Variants in VARS1 observed in about 807,000 individuals in gnomAD.
VARS1 encodes valyl-tRNA synthetase 1.
A neutral mutation model predicts 161.0 loss-of-function variants in VARS1; 92 were observed. The observed-to-expected ratio is 0.57, with a 90% CI of 0.48 to 0.68. The LOEUF (loss-of-function observed/expected upper bound fraction) is 0.68, where lower values mean the gene tolerates loss of function less well. Ranked by LOEUF, VARS1 falls within the 30% of genes least tolerant of loss-of-function variation. VARS1 has a pLI of 0.00. For missense variants in VARS1, 1,338 were observed against 1,695.9 expected (o/e 0.79, Z 3.71); for synonymous variants, 595 against 682.5 (o/e 0.87, Z 2.00).
rs143978212 is a variant in VARS1, at chr6:31,792,423, T to A, written c.755A>T (p.Lys252Met). 113 of 1,613,886 alleles carry A rather than the reference T, an allele frequency of 7.0e-5. No homozygotes were observed. Among genetic ancestry groups the A allele is most frequent in the Non-Finnish European group, 9.2e-5 (108 of 1,179,994 alleles). Residue 252 changes from lysine to methionine, a missense_variant, in exon 5 of 30, where the codon AAG becomes ATG. By Grantham distance (95) the Lys-to-Met change is moderately conservative. Coordinates refer to ENST00000375663, the MANE Select transcript of VARS1 (RefSeq NM_006295.3). The part of the protein sequence containing the change: ...EKLEKFQQKQ[K>M]IQQQQPPPGE... The stretch of plus-strand genomic sequence containing the variant: ...TGGAGGTGGCTGCTGCTGTTGGATC[T>A]TCTGCTTCTGTTGGAATTTCTCTAG...
At chr6:31,783,811 G>A (rs12213415) in intron 13 of VARS1, among the ~76,000 whole-genome samples, 11,816 of 151,922 alleles carry the variant, frequency 0.078, 575 homozygotes, top group African/African-American at 0.13. Context: ...ACAGGCACCC[G>A]CCACTACAAC....
intron 2 of VARS1, among the ~76,000 whole-genome samples, chr6:31,794,093 C>CA (rs33960246): frequency 0.31 from 21,690 of 70,634 alleles, 2,958 homozygotes; most frequent in African/African-American, 0.39. Context: ...GATTCTGTCT[C>CA]AAAAAAAAAA....
Position 31,781,226 on chromosome 6 carries a change from G to T in VARS1, c.2545-103C>A. On this transcript the variant is annotated intron_variant, in intron 21 of 29. Transcript: ENST00000375663. The surrounding 1 kb of genome is among the most constrained non-coding windows in gnomAD (Gnocchi z 6.8). Reference sequence around the variant, plus strand: ...TGGTCTACCCCACTGTGAACCTCAGGTCCCACTGAGTGTCCCCAAGAGCTC... The same window carrying T: ...TGGTCTACCCCACTGTGAACCTCAGTTCCCACTGAGTGTCCCCAAGAGCTC... 7.4e-7 allele frequency: 1 copy of T among 1,351,856 alleles called. No homozygotes were observed. The highest frequency in any genetic ancestry group is 1.9e-5 in the Admixed American group (1 of 52,378). 83.7% of individuals were successfully genotyped at this position (1,351,856 alleles called of 1,614,324 possible).
chr6:31,795,178 G>C lies in VARS1; in HGVS notation c.40C>G (p.Pro14Ala). 1 of 1,476,252 alleles carries C rather than the reference G, an allele frequency of 6.8e-7. No homozygotes were observed. The highest frequency in any genetic ancestry group is 9.0e-7 in the Non-Finnish European group (1 of 1,114,444). 91.4% of individuals were successfully genotyped at this position (1,476,252 alleles called of 1,614,324 possible). ...LYVSPHPDAF[P>A]SLRALIAARY... is the part of the protein sequence containing the mutation. Reference sequence around the variant, plus strand: ...GCGGCTATGAGGGCTCGGAGGCTGGGGAAGGCATCTGGGTGAGGGGAGACG... The same window carrying C: ...GCGGCTATGAGGGCTCGGAGGCTGGCGAAGGCATCTGGGTGAGGGGAGACG... Residue 14 changes from proline to alanine, a missense_variant, in exon 2 of 30, where the codon CCC becomes GCC. By Grantham distance (27) the Pro-to-Ala change is conservative. Transcript: ENST00000375663. The surrounding 1 kb of genome is among the most constrained non-coding windows in gnomAD (Gnocchi z 6.9).
rs1186585437 is a variant in VARS1 at position 31,780,380 on chromosome 6, C to G, written c.2925+61G>C. 1 of 1,575,526 alleles carries G rather than the reference C, an allele frequency of 6.3e-7. No individual in the cohort carries two copies. Among genetic ancestry groups the G allele is most frequent in the Middle Eastern group, 1.7e-4 (1 of 5,850 alleles). On this transcript the variant is annotated intron_variant, in intron 25 of 29. Transcript: ENST00000375663. This position sits in a 1 kb window ranked among gnomAD's most constrained non-coding sequence, Gnocchi z 5.1. ...TGTCCCCCCAGCTACATGGAGGCTG[C>G]TCCGGACAGGGGTACAGCCTGTGTG...
chr6:31,792,192 G>T (rs766392782), intron 6 of VARS1, 25 bp downstream of exon 6: 23 of 1,610,330 alleles, frequency 1.4e-5, no homozygotes, highest in Non-Finnish European at 1.8e-5. Context: ...CTGCTGAGGG[G>T]TGAGCCCCTT....
At chr6:31,787,929 T>C (rs886342422) in intron 8 of VARS1, among the ~76,000 whole-genome samples, 3 of 151,642 alleles carry the variant, frequency 2.0e-5, no homozygotes, top group African/African-American at 7.3e-5. Context: ...CCATCTTGGC[T>C]AACACGGTGA....
At position 31,791,604 on chromosome 6, in the gene VARS1, G is replaced by T; in HGVS notation, c.1100+6C>A. ...GAACCAGAGGAAGGTGCAGATAGAA[G>T]CTCACCATCGAGTCAGGGAGTCCTG... On this transcript the variant is annotated splice_donor_region_variant and intron_variant, in intron 8 of 29. Coordinates refer to ENST00000375663, the MANE Select transcript of VARS1 (RefSeq NM_006295.3). This position sits in a 1 kb window ranked among gnomAD's most constrained non-coding sequence, Gnocchi z 5.0. 6.2e-7 allele frequency: 1 copy of T among 1,607,316 alleles called. No homozygotes were observed.
chr6:31,783,466 T>C (rs1243653004), intron 13 of VARS1, among the ~76,000 whole-genome samples: 1 of 151,866 alleles, frequency 6.6e-6, no homozygotes, highest in African/African-American at 2.4e-5. Context: ...GCCAAGATGG[T>C]GCCACTGCAC....
At chr6:31,794,208 G>A (rs1331697116) in intron 2 of VARS1, among the ~76,000 whole-genome samples, 1 of 152,100 alleles carries the variant, frequency 6.6e-6, no homozygotes, top group African/African-American at 2.4e-5. Flanking sequence ...CTGAATGCAA[G>A]GACTCTATTG....
At position 31,780,031 on chromosome 6, in the gene VARS1, G is replaced by A. The variant is rs747274439; in HGVS notation, c.3048C>T (p.Ser1016=). ...CATCACAGAGCTCATAGAGCCAGAA[G>A]CTGTACTGGGCAGTGGTGACGGCCG... ...DFPAVTTAQY[S]FWLYELCDVY... is the part of the protein sequence containing the mutation. The change falls in exon 26 of 30, where the codon AGC becomes AGT. Residue 1016 remains serine, a synonymous_variant. Coordinates refer to ENST00000375663, the MANE Select transcript of VARS1 (RefSeq NM_006295.3). The surrounding 1 kb of genome is among the most constrained non-coding windows in gnomAD (Gnocchi z 5.1). 9.9e-6 allele frequency: 16 copies of A among 1,613,976 alleles called. No homozygotes were observed. In the Admixed American group the frequency reaches 2.3e-4, roughly 24 times the overall value.
At position 31,779,028 on chromosome 6, in the gene VARS1, C is replaced by G; in HGVS notation, c.3665G>C (p.Arg1222Pro). The change falls in exon 29 of 30, where the codon CGT becomes CCT. Residue 1222 changes from arginine (R) to proline (P), a missense_variant. Physicochemically the swap from Arg to Pro is moderately radical, Grantham distance 103. Transcript: ENST00000375663. This position sits in a 1 kb window ranked among gnomAD's most constrained non-coding sequence, Gnocchi z 9.1. ...QRQAQRLRER[R>P]AASGYPVKVP... is the part of the protein sequence containing the mutation. ...CTTGACAGGATAGCCCGAGGCAGCACGGCGTTCCCGCAGACGCTGGGCCTG... is the reference window on the plus strand; with the variant it reads ...CTTGACAGGATAGCCCGAGGCAGCAGGGCGTTCCCGCAGACGCTGGGCCTG... 1 of 1,613,014 alleles carries G rather than the reference C, an allele frequency of 6.2e-7. No homozygotes were observed. The highest frequency in any genetic ancestry group is 8.5e-7 in the Non-Finnish European group (1 of 1,180,038).
In VARS1 at chr6:31,781,647, C is replaced by T; in HGVS notation, c.2419-41G>A. The T allele has an allele frequency of 6.2e-7, 1 of 1,612,924 alleles. No individual in the cohort carries two copies. Among genetic ancestry groups the T allele is most frequent in the Non-Finnish European group, 8.5e-7 (1 of 1,179,974 alleles). ...GGTGTGAAGGGGAGCCAACACCCAC[C>T]CTCCAGTCCCCTGTCCCGCCAAGCC... On this transcript the variant is annotated intron_variant, in intron 20 of 29. Coordinates refer to ENST00000375663, the MANE Select transcript of VARS1 (RefSeq NM_006295.3). The surrounding 1 kb of genome is among the most constrained non-coding windows in gnomAD (Gnocchi z 6.8).
intron 8 of VARS1, among the ~76,000 whole-genome samples, chr6:31,789,195 A>G (rs1422307769): frequency 1.3e-5 from 2 of 152,160 alleles, no homozygotes; most frequent in Non-Finnish European, 2.9e-5. Flanking sequence ...TAATACAACA[A>G]AAACATTTAC....
At chr6:31,790,602 CAAAAAAAAAAAAAAAAA>C (rs9279419) in intron 8 of VARS1, among the ~76,000 whole-genome samples, 2 of 43,386 alleles carry the variant, frequency 4.6e-5, no homozygotes, top group African/African-American at 2.0e-4. Flanking sequence ...AACTCTGTCT[CAAAAAAAAAAAAAAAAA>C]AAAAAAAAAA....
At position 31,782,116 on chromosome 6, in the gene VARS1, CAG is replaced by C; in HGVS notation, c.2210_2211del (p.Thr737SerfsTer3). 3 of 1,613,898 alleles carry C rather than the reference CAG, an allele frequency of 1.9e-6. No individual in the cohort carries two copies. The highest frequency in any genetic ancestry group is 2.5e-6 in the Non-Finnish European group (3 of 1,179,914). The stretch of plus-strand genomic sequence containing the variant: ...CCAGGGGGCACCGCTGGGTCACTGA[CAG>C]TGACAAAGTAGGCTGGGATGCGATG... ...WGHRIPAYFV[T>X]VSDPAVPPGE... On this transcript the variant is annotated frameshift_variant, in exon 18 of 30. Transcript: ENST00000375663. LOFTEE classifies it high-confidence loss of function. This position sits in a 1 kb window ranked among gnomAD's most constrained non-coding sequence, Gnocchi z 8.3.
In VARS1 at chr6:31,785,847, C is replaced by T. The variant is rs541602250; in HGVS notation, c.1101-114G>A. On this transcript the variant is annotated intron_variant, in intron 8 of 29. Transcript: ENST00000375663. This position sits in a 1 kb window ranked among gnomAD's most constrained non-coding sequence, Gnocchi z 6.1. Reference sequence around the variant, plus strand: ...GGACTAAATAAAGAAGCAGGGAGGCCGGACGCGGTGGCTCACGCCTGTAAT... The same window carrying T: ...GGACTAAATAAAGAAGCAGGGAGGCTGGACGCGGTGGCTCACGCCTGTAAT... 8.9e-5 allele frequency: 121 copies of T among 1,367,132 alleles called. 1 individual carries two copies. The East Asian group carries it at 2.3e-3, about 26-fold the overall frequency. The allele number at this position is 1,367,132 out of a possible 1,614,324, so 84.7% of individuals were successfully genotyped here.
chr6:31,790,681 T>G (rs572995806), intron 8 of VARS1, among the ~76,000 whole-genome samples: 50 of 145,626 alleles, frequency 3.4e-4, no homozygotes, highest in African/African-American at 1.1e-3. Flanking sequence ...ATGGAACAAT[T>G]AAAAAGAAGG....
Position 31,780,745 on chromosome 6 carries a change from G to A in VARS1, c.2757C>T (p.Thr919=), listed in dbSNP as rs745663284. 34 of 1,614,056 alleles carry A rather than the reference G, an allele frequency of 2.1e-5. No homozygotes were observed. Among genetic ancestry groups the A allele is most frequent in the South Asian group, 3.3e-5 (3 of 91,090 alleles). Residue 919 remains threonine, a synonymous_variant, in exon 24 of 30, where the codon ACC becomes ACT. Coordinates refer to ENST00000375663, the MANE Select transcript of VARS1 (RefSeq NM_006295.3). This position sits in a 1 kb window ranked among gnomAD's most constrained non-coding sequence, Gnocchi z 5.1. ...DFPAGIPECG[T]DALRFGLCAY... The stretch of plus-strand genomic sequence containing the variant: ...CACATAATCCAAACCGGAGAGCATC[G>A]GTGCCACATTCAGGAATCCCCGCTG...
Sources: allele counts gnomAD v4.1 joint callset (sites outside exome capture counted in the v4.1 genomes callset), GRCh38; gene constraint gnomAD v4.1.1; non-coding constraint Gnocchi (gnomAD v3.1); transcripts MANE v1.5; gene names NCBI Gene and HGNC (gene_info 2026-07-23, HGNC 2026-07-21).